The following TAF12 variants were observed in gnomAD, a reference collection of about 807,000 sequenced individuals.
TAF12 encodes TATA-box binding protein associated factor 12.
A neutral mutation model predicts 20.8 loss-of-function variants in TAF12; 3 were observed. That is an observed-to-expected ratio of 0.14 (90% CI 0.07 to 0.37). TAF12 has a LOEUF of 0.37. TAF12 is among the 10% of genes least tolerant of loss of function. The pLI is 1.00. For synonymous variants in TAF12, 69 were observed against 70.2 expected (o/e 0.98, Z 0.09); for missense variants, 131 against 197.9 (o/e 0.66, Z 2.03).
chr1:28,608,112 A>G (rs1666727796), intron 4 of TAF12, among the ~76,000 whole-genome samples: 1 of 151,312 alleles, frequency 6.6e-6, no homozygotes, highest in African/African-American at 2.4e-5. Context: ...CTGGTGGATC[A>G]CAAAGTCAGG....
intron 1 of TAF12, among the ~76,000 whole-genome samples, chr1:28,638,949 C>A (rs1222227123): frequency 6.6e-6 from 1 of 151,580 alleles, no homozygotes; most frequent in Non-Finnish European, 1.5e-5. Context: ...CCGTGCCCAG[C>A]TAATTTTTTT....
chr1:28,627,249 G>A (rs1030387841), intron 1 of TAF12, among the ~76,000 whole-genome samples: 2 of 151,882 alleles, frequency 1.3e-5, no homozygotes, highest in Admixed American at 6.6e-5. Flanking sequence ...TTAGCCGGGC[G>A]TGGTGGCACA....
chr1:28,622,610 C>A (rs778018010), intron 1 of TAF12, among the ~76,000 whole-genome samples: 1 of 151,980 alleles, frequency 6.6e-6, no homozygotes, highest in African/African-American at 2.4e-5. Flanking sequence ...AAACTAGGGC[C>A]GCGTGCAGTA....
chr1:28,603,814 G>C (rs1308649181), intron 5 of TAF12, among the ~76,000 whole-genome samples: 1 of 152,040 alleles, frequency 6.6e-6, no homozygotes, highest in South Asian at 2.1e-4. Context: ...TAGGCTAGCA[G>C]AATGGCAAAA....
chr1:28,621,368 G>T (rs1667216430), intron 2 of TAF12, among the ~76,000 whole-genome samples: 1 of 152,168 alleles, frequency 6.6e-6, no homozygotes, highest in South Asian at 2.1e-4. Flanking sequence ...GCAGATTTTA[G>T]AATCACTGCA....
chr1:28,626,919 A>C (rs1454143661), intron 1 of TAF12, among the ~76,000 whole-genome samples: 5 of 152,164 alleles, frequency 3.3e-5, no homozygotes. Context: ...CTCAAAAAAA[A>C]AATTTTTTTT....
chr1:28,605,340 T>C (rs1192734160), intron 5 of TAF12, 32 bp downstream of exon 5: 5 of 1,611,888 alleles, frequency 3.1e-6, no homozygotes, highest in Non-Finnish European at 4.2e-6. Context: ...GAATCAGCCC[T>C]GGCTGTCCCC....
chr1:28,627,554 G>A (rs1461487741), intron 1 of TAF12, among the ~76,000 whole-genome samples: 7 of 150,940 alleles, frequency 4.6e-5, no homozygotes, highest in African/African-American at 7.3e-5. Flanking sequence ...TTAGCTGGGC[G>A]TGGTGGCGGG....
At chr1:28,607,708 T>C (rs1666714675) in intron 4 of TAF12, among the ~76,000 whole-genome samples, 1 of 151,458 alleles carries the variant, frequency 6.6e-6, no homozygotes, top group Non-Finnish European at 1.5e-5. Flanking sequence ...TATGTGGTGG[T>C]GTGCACCTGT....
At chr1:28,643,085 T>G (rs1488588013), upstream of TAF12, 2 of 985,878 alleles carry the variant, frequency 2.0e-6, no homozygotes, top group Non-Finnish European at 2.4e-6. Context: ...CCTCCCCGAC[T>G]ACTTCCGGCA....
intron 4 of TAF12, among the ~76,000 whole-genome samples, chr1:28,609,372 G>A (rs1208297235): frequency 6.6e-6 from 1 of 151,884 alleles, no homozygotes; most frequent in African/African-American, 2.4e-5. Context: ...CACCATGCCC[G>A]GCCTATATAA....
chr1:28,633,762 A>G (rs1667720818), intron 1 of TAF12, among the ~76,000 whole-genome samples: 1 of 151,236 alleles, frequency 6.6e-6, no homozygotes, highest in South Asian at 2.1e-4. Context: ...AAATACAAAA[A>G]TTAGCTGGGC....
At chr1:28,611,553 C>CA (rs1318053339) in intron 4 of TAF12, among the ~76,000 whole-genome samples, 1 of 141,782 alleles carries the variant, frequency 7.1e-6, no homozygotes, top group East Asian at 2.0e-4. Context: ...GACACAGAGA[C>CA]AGAGACACAG....
chr1:28,640,639 T>C (rs1199164339), intron 1 of TAF12, among the ~76,000 whole-genome samples: 1 of 152,150 alleles, frequency 6.6e-6, no homozygotes, highest in Non-Finnish European at 1.5e-5. Context: ...GATATTAATA[T>C]TGAAGGAAGT....
At chr1:28,631,260 G>A (rs1209912523) in intron 1 of TAF12, among the ~76,000 whole-genome samples, 1 of 151,442 alleles carries the variant, frequency 6.6e-6, no homozygotes, top group African/African-American at 2.4e-5. Context: ...GGTGGCTCAC[G>A]CCTGTAATCC....
chr1:28,624,789 G>T (rs1350709429), intron 1 of TAF12, among the ~76,000 whole-genome samples: 2 of 151,688 alleles, frequency 1.3e-5, no homozygotes, highest in Admixed American at 6.6e-5. Flanking sequence ...ATAATAAGAA[G>T]AAATCATGTT....
At chr1:28,623,685 C>G (rs897931660) in intron 1 of TAF12, among the ~76,000 whole-genome samples, 3 of 152,156 alleles carry the variant, frequency 2.0e-5, no homozygotes, top group Non-Finnish European at 4.4e-5. Flanking sequence ...TCTGGCATTT[C>G]AAACATGCTT....
intron 1 of TAF12, among the ~76,000 whole-genome samples, chr1:28,638,579 G>A (rs896458629): frequency 2.7e-5 from 4 of 149,446 alleles, no homozygotes; most frequent in Admixed American, 6.7e-5. Context: ...TCTGCCTCCC[G>A]GGTTCCAGCG....
rs1290758117 is a variant in TAF12 at position 28,622,534 on chromosome 1, G to GA, written c.-84-370dup. ...ACCATCTCATTTCCAAATATTAAGT[G>GA]AAATAGTCCACAAAATTTAAACAAG... On this transcript the variant is annotated intron_variant, in intron 1 of 5. Coordinates refer to ENST00000373824, the MANE Select transcript of TAF12 (RefSeq NM_005644.4). Among the ~76,000 whole-genome samples, 6 of 152,168 alleles carry GA rather than the reference G, an allele frequency of 3.9e-5. No individual in the cohort carries two copies. In the East Asian group the frequency reaches 1.2e-3, roughly 29 times the overall value.
Sources: allele counts gnomAD v4.1 joint callset (sites outside exome capture counted in the v4.1 genomes callset), GRCh38; gene constraint gnomAD v4.1.1; transcripts MANE v1.5; gene names NCBI Gene and HGNC (gene_info 2026-07-23, HGNC 2026-07-21).